FRMPD4: variants seen among roughly 807,000 people sequenced by gnomAD.
The protein encoded by FRMPD4 is FERM and PDZ domain-containing protein 4.
Under a neutral mutation model 94.1 loss-of-function variants are expected in FRMPD4, and 22 were observed. The ratio of observed to expected loss-of-function variants is 0.23; its 90% CI spans 0.17 to 0.33. The LOEUF (loss-of-function observed/expected upper bound fraction) is 0.33. Ranked by LOEUF, FRMPD4 falls within the 10% of genes least tolerant of loss-of-function variation. FRMPD4 has a pLI of 1.00. For missense variants in FRMPD4, 1,111 were observed against 1,339.9 expected (o/e 0.83, Z 2.67); for synonymous variants, 631 against 548.6 (o/e 1.15, Z -2.10).
At chrX:12,404,500 A>G (rs2056644862) in intron 1 of FRMPD4, among the ~76,000 whole-genome samples, 1 of 112,152 alleles carries the variant, frequency 8.9e-6, no homozygotes, top group African/African-American at 3.2e-5. Flanking sequence ...ATTTTCTTTC[A>G]TCACCTCTAA....
chrX:12,205,886 A>G (rs1285976931), intron 1 of FRMPD4, among the ~76,000 whole-genome samples: 1 of 112,465 alleles, frequency 8.9e-6, no homozygotes, highest in Non-Finnish European at 1.9e-5. Flanking sequence ...AAAGAAGAAG[A>G]CACTGTCTTG....
Position 12,498,660 on chromosome X carries a change from T to G in FRMPD4, c.42-20T>G, listed in dbSNP as rs2057879844. 2.4e-6 allele frequency: 2 copies of G among 821,793 alleles called. No homozygotes were observed. The highest frequency in any genetic ancestry group is 3.5e-6 in the Non-Finnish European group (2 of 565,735). The allele number at this position is 821,793 out of a possible 1,213,427, so 67.7% of individuals were successfully genotyped here. A position where few individuals can be genotyped will look rare whatever the true frequency, so the allele number is the denominator to read the frequency against. On this transcript the variant is annotated intron_variant, in intron 1 of 16. Transcript: ENST00000675598. Reference sequence around the variant, plus strand: ...TTCAGGAGTCAGGTGTAATGATGCTTTTTTTTTTTTCTTTTCCAGCCACAG... The same window carrying G: ...TTCAGGAGTCAGGTGTAATGATGCTGTTTTTTTTTTCTTTTCCAGCCACAG...
At chrX:11,892,153 T>C (rs1247528776) in intron 3 of FRMPD4, among the ~76,000 whole-genome samples, 2 of 112,243 alleles carry the variant, frequency 1.8e-5, no homozygotes, top group Non-Finnish European at 3.8e-5. Context: ...TGCTGTTTAG[T>C]TGGTCAGAAA....
chrX:12,419,828 T>A (rs1217525398), intron 1 of FRMPD4, among the ~76,000 whole-genome samples: 2 of 111,833 alleles, frequency 1.8e-5, no homozygotes, highest in Middle Eastern at 4.6e-3. Flanking sequence ...ACACTACTGG[T>A]GTTCTTCCTA....
At chrX:12,383,693 A>G (rs764344033) in intron 1 of FRMPD4, among the ~76,000 whole-genome samples, 1 of 111,781 alleles carries the variant, frequency 8.9e-6, no homozygotes, top group East Asian at 2.8e-4. Flanking sequence ...ATGAGTGTTA[A>G]TGATGCCAGT....
chrX:12,207,656 C>A (rs1391117385), intron 1 of FRMPD4, among the ~76,000 whole-genome samples: 1 of 107,533 alleles, frequency 9.3e-6, no homozygotes, highest in Non-Finnish European at 1.9e-5. Flanking sequence ...TTGTGGCACA[C>A]TGAGATAGAG....
intron 1 of FRMPD4, among the ~76,000 whole-genome samples, chrX:12,163,112 T>C (rs6640916): frequency 0.24 from 25,780 of 109,638 alleles, 2,992 homozygotes; most frequent in East Asian, 0.82. Context: ...ATGAAATAGA[T>C]GGTTGCCAGA....
At chrX:12,604,956 G>A (rs1236154483) in intron 2 of FRMPD4, among the ~76,000 whole-genome samples, 2 of 112,194 alleles carry the variant, frequency 1.8e-5, no homozygotes, top group African/African-American at 6.5e-5. Flanking sequence ...ACATTTTGCT[G>A]AGTGCTTTAT....
intron 2 of FRMPD4, among the ~76,000 whole-genome samples, chrX:12,586,376 G>T (rs767595630): frequency 8.9e-6 from 1 of 112,819 alleles, no homozygotes; most frequent in East Asian, 2.8e-4. Flanking sequence ...ATGCCGAGGA[G>T]ATAGTACCCA....
intron 1 of FRMPD4, among the ~76,000 whole-genome samples, chrX:12,297,982 A>T (rs5933983): frequency 0.099 from 11,036 of 110,944 alleles, 442 homozygotes; most frequent in Admixed American, 0.17. Flanking sequence ...AAGGAAAATG[A>T]TGCAGCTAAT....
At chrX:12,248,363 G>A (rs2147805250) in intron 1 of FRMPD4, among the ~76,000 whole-genome samples, 1 of 112,169 alleles carries the variant, frequency 8.9e-6, no homozygotes, top group Admixed American at 9.4e-5. Context: ...CTCAACAGCA[G>A]TACTATTGAC....
chrX:12,708,243 G>A (rs750789431), intron 13 of FRMPD4, among the ~76,000 whole-genome samples: 12 of 110,540 alleles, frequency 1.1e-4, no homozygotes, highest in East Asian at 2.8e-4. Context: ...AGGCCGAGGC[G>A]GGCGGATCAC....
intron 2 of FRMPD4, among the ~76,000 whole-genome samples, chrX:12,558,587 A>G (rs1439797619): frequency 1.8e-5 from 2 of 112,516 alleles, no homozygotes; most frequent in Admixed American, 1.9e-4. Flanking sequence ...TTACAGCATC[A>G]TAGATGTTGA....
chrX:12,493,842 A>G (rs1272857423), intron 1 of FRMPD4, among the ~76,000 whole-genome samples: 2 of 112,356 alleles, frequency 1.8e-5, no homozygotes, highest in African/African-American at 3.2e-5. Context: ...TTACAACACA[A>G]TGTACCATTT....
At chrX:12,273,634 G>A (rs766129999) in intron 1 of FRMPD4, among the ~76,000 whole-genome samples, 2 of 111,875 alleles carry the variant, frequency 1.8e-5, no homozygotes, top group African/African-American at 3.2e-5. Context: ...CATTAGTGGC[G>A]GTGATATTTT....
intron 2 of FRMPD4, among the ~76,000 whole-genome samples, chrX:12,547,011 T>TAAAAAAAA (rs57946725): frequency 3.0e-5 from 1 of 33,764 alleles, no homozygotes; most frequent in Non-Finnish European, 4.8e-5. Flanking sequence ...ACTGTCTCTT[T>TAAAAAAAA]AAAAAAAAAA....
chrX:12,698,882 C>T (rs1338866763), intron 9 of FRMPD4, among the ~76,000 whole-genome samples: 2 of 111,226 alleles, frequency 1.8e-5, no homozygotes, highest in African/African-American at 3.3e-5. Flanking sequence ...TGCTAACTCT[C>T]AAGTTAGTTG....
rs185166139 is a variant in FRMPD4 at position 12,481,778 on chromosome X, A to G, written c.42-16902A>G. ...AACATGGTGAAACCCCGTCTCTACTAAAAATACAAAAAAATTGACCGGGTG... is the reference window on the plus strand; with the variant it reads ...AACATGGTGAAACCCCGTCTCTACTGAAAATACAAAAAAATTGACCGGGTG... On this transcript the variant is annotated intron_variant, in intron 1 of 16. Coordinates refer to ENST00000675598, the MANE Select transcript of FRMPD4 (RefSeq NM_001368397.1). Among the ~76,000 whole-genome samples the G allele has an allele frequency of 4.8e-5, 5 of 104,793 alleles. No homozygotes were observed. The East Asian group carries it at 1.5e-3, about 32-fold the overall frequency. The allele number at this position is 104,793 out of a possible 115,157, so 91.0% of individuals were successfully genotyped here. A position where few individuals can be genotyped will look rare whatever the true frequency, so the allele number is the denominator to read the frequency against.
chrX:12,248,411 A>G (rs2053985000), intron 1 of FRMPD4, among the ~76,000 whole-genome samples: 1 of 112,316 alleles, frequency 8.9e-6, no homozygotes, highest in Non-Finnish European at 1.9e-5. Context: ...AGCAAATTTC[A>G]CAAGAGATAA....
Sources: allele counts gnomAD v4.1 joint callset (sites outside exome capture counted in the v4.1 genomes callset), GRCh38; gene constraint gnomAD v4.1.1; transcripts MANE v1.5; gene names NCBI Gene and HGNC (gene_info 2026-07-23, HGNC 2026-07-21).